GATA4: variants seen among roughly 807,000 people sequenced by gnomAD.
GATA4 encodes the protein transcription factor GATA-4.
Under a neutral mutation model 37.9 loss-of-function variants are expected in GATA4, and 7 were observed. The observed-to-expected ratio is 0.18, with a 90% CI of 0.11 to 0.35. The LOEUF is 0.35. GATA4 is among the 10% of genes least tolerant of loss of function. The pLI, the probability that GATA4 is intolerant of heterozygous loss-of-function variation, is 1.00. For synonymous variants in GATA4, 372 were observed against 292.6 expected, an observed-to-expected ratio of 1.27 and a Z score of -2.77; for missense variants, 647 against 653.0, an observed-to-expected ratio of 0.99 and a Z score of 0.10.
intron 1 of GATA4, among the ~76,000 whole-genome samples, chr8:11,697,352 C>G (rs556315970): frequency 6.6e-6 from 1 of 152,250 alleles, no homozygotes; most frequent in Admixed American, 6.5e-5. Flanking sequence ...ACAGTGAACA[C>G]CCTTTGACAG....
chr8:11,686,110 CAAG>C (rs1295617749), intron 1 of GATA4, among the ~76,000 whole-genome samples: 2 of 151,978 alleles, frequency 1.3e-5, no homozygotes, highest in Non-Finnish European at 2.9e-5. Flanking sequence ...TCCTGCTTTA[CAAG>C]AAGGGTGTGG....
chr8:11,739,824 C>G (rs1168009684), intron 2 of GATA4, among the ~76,000 whole-genome samples: 1 of 152,124 alleles, frequency 6.6e-6, no homozygotes, highest in Non-Finnish European at 1.5e-5. Context: ...GAGGCACTTG[C>G]CCGGCCTGCT....
chr8:11,728,985 T>C (rs1350569813), intron 2 of GATA4, among the ~76,000 whole-genome samples: 1 of 150,398 alleles, frequency 6.6e-6, no homozygotes, highest in African/African-American at 2.4e-5. Flanking sequence ...GTAATCCCAG[T>C]ACTTCGGGAG....
At chr8:11,725,981 C>T (rs1223624699) in intron 2 of GATA4, among the ~76,000 whole-genome samples, 1 of 152,238 alleles carries the variant, frequency 6.6e-6, no homozygotes, top group Non-Finnish European at 1.5e-5. Flanking sequence ...CTCATTCTAC[C>T]TTCTGGTGCT....
intron 2 of GATA4, among the ~76,000 whole-genome samples, chr8:11,742,774 C>T (rs1801815186): frequency 6.6e-6 from 1 of 152,272 alleles, no homozygotes; most frequent in Non-Finnish European, 1.5e-5. Flanking sequence ...GCCTCGTGCC[C>T]CACACCCAGG....
Position 11,709,353 on chromosome 8 carries a change from C to T in GATA4, c.616+425C>T, listed in dbSNP as rs1184501814. On this transcript the variant is annotated intron_variant, in intron 2 of 6. Transcript: ENST00000532059. This position sits in a 1 kb window ranked among gnomAD's most constrained non-coding sequence, Gnocchi z 4.3. ...TTCCTCCCCGCCCGCCCTCGGGCCT[C>T]CGCAGGGAACTGATTACAATGGTTT... Among the ~76,000 whole-genome samples, 1 of 152,218 alleles carries T rather than the reference C, an allele frequency of 6.6e-6. No homozygotes were observed. Among genetic ancestry groups the T allele is most frequent in the Admixed American group, 6.5e-5 (1 of 15,292 alleles).
At chr8:11,754,453 A>T (rs1336201113) in intron 4 of GATA4, among the ~76,000 whole-genome samples, 1 of 152,166 alleles carries the variant, frequency 6.6e-6, no homozygotes, top group Non-Finnish European at 1.5e-5. Context: ...CCTGGGCTCA[A>T]GCAGTCCTCC....
At chr8:11,700,088 C>T (rs536563872), upstream of GATA4, among the ~76,000 whole-genome samples, 1 of 152,088 alleles carries the variant, frequency 6.6e-6, no homozygotes, top group East Asian at 1.9e-4. Context: ...AAGGTGAGGG[C>T]GATAACACCG....
At chr8:11,741,634 A>G (rs1390050366) in intron 2 of GATA4, among the ~76,000 whole-genome samples, 1 of 152,198 alleles carries the variant, frequency 6.6e-6, no homozygotes, top group Admixed American at 6.5e-5. Context: ...CCTGCATTTT[A>G]TGGGGAAATC....
intron 2 of GATA4, among the ~76,000 whole-genome samples, chr8:11,716,569 T>A (rs933673282): frequency 4.6e-5 from 7 of 152,200 alleles, no homozygotes; most frequent in African/African-American, 1.7e-4. Context: ...TCTCTACTCC[T>A]GGTCTCAGTG....
At chr8:11,695,154 C>T (rs986505582) in intron 1 of GATA4, among the ~76,000 whole-genome samples, 3 of 152,102 alleles carry the variant, frequency 2.0e-5, no homozygotes, top group African/African-American at 4.8e-5. Flanking sequence ...TCCTTTAATC[C>T]CAGCACTTTG....
intron 2 of GATA4, among the ~76,000 whole-genome samples, chr8:11,735,934 A>G (rs918777267): frequency 2.6e-5 from 4 of 151,934 alleles, no homozygotes; most frequent in African/African-American, 7.3e-5. Context: ...TTTTTGAGAT[A>G]GGGTTTTGCT....
chr8:11,706,333 A>G (rs889649318), intron 1 of GATA4, among the ~76,000 whole-genome samples: 5 of 152,244 alleles, frequency 3.3e-5, no homozygotes, highest in African/African-American at 1.2e-4. Flanking sequence ...ATGATCATTT[A>G]TTATAGTATA....
chr8:11,699,853 A>G (rs2130017596), upstream of GATA4, among the ~76,000 whole-genome samples: 1 of 152,252 alleles, frequency 6.6e-6, no homozygotes, highest in South Asian at 2.1e-4. Flanking sequence ...TTAAACATTG[A>G]TTTTATTTTT....
chr8:11,725,056 G>A lies in GATA4; in HGVS notation c.616+16128G>A, dbSNP rs139707592. Among the ~76,000 whole-genome samples, 255 of 152,332 alleles carry A rather than the reference G, an allele frequency of 1.7e-3. 1 individual carries two copies. Among genetic ancestry groups the A allele is most frequent in the African/African-American group, 5.5e-3 (227 of 41,586 alleles). On this transcript the variant is annotated intron_variant, in intron 2 of 6. Transcript: ENST00000532059. ...GGGTGGCCTTCACGTTTGCTTCACCGCCTTTCATTCTCTGCTGTCCTTCTG... is the reference window on the plus strand; with the variant it reads ...GGGTGGCCTTCACGTTTGCTTCACCACCTTTCATTCTCTGCTGTCCTTCTG...
At chr8:11,691,229 G>C (rs931389307), upstream of GATA4, among the ~76,000 whole-genome samples, 1 of 152,170 alleles carries the variant, frequency 6.6e-6, no homozygotes, top group Non-Finnish European at 1.5e-5. Flanking sequence ...TATTCAGATG[G>C]GCCTCCCATT....
chr8:11,756,370 GTCCC>G, intron 5 of GATA4: 1 of 167,846 alleles, frequency 6.0e-6, no homozygotes, highest in East Asian at 1.6e-4. Flanking sequence ...CTGCTGACGA[GTCCC>G]CTATGTCCCC....
chr8:11,734,236 C>G (rs1477126954), intron 2 of GATA4, among the ~76,000 whole-genome samples: 1 of 152,198 alleles, frequency 6.6e-6, no homozygotes, highest in African/African-American at 2.4e-5. Context: ...ATTGCTATTA[C>G]AGCAAAAAAC....
Position 11,749,752 on chromosome 8 carries a change from C to A in GATA4, c.787-359C>A, listed in dbSNP as rs936516531. 1.4e-4 allele frequency among the ~76,000 whole-genome samples: 21 copies of A among 152,226 alleles called. No homozygotes were observed. The highest frequency in any genetic ancestry group is 5.1e-4 in the African/African-American group (21 of 41,474). On this transcript the variant is annotated intron_variant, in intron 3 of 6. Transcript: ENST00000532059. This position sits in a 1 kb window ranked among gnomAD's most constrained non-coding sequence, Gnocchi z 4.6. ...GACACCGTGATTCCTCACTCTCTGC[C>A]TGCCCCCGGCACCTGCAGCCCCGGT...
Sources: allele counts gnomAD v4.1 joint callset (sites outside exome capture counted in the v4.1 genomes callset), GRCh38; gene constraint gnomAD v4.1.1; non-coding constraint Gnocchi (gnomAD v3.1); transcripts MANE v1.5; gene names NCBI Gene and HGNC (gene_info 2026-07-23, HGNC 2026-07-21).